CDC42BPB: variants seen among roughly 807,000 people sequenced by gnomAD.
The protein encoded by CDC42BPB is serine/threonine-protein kinase MRCK beta.
CDC42BPB carries 37 observed loss-of-function variants against 214.9 expected under a neutral mutation model. The ratio of observed to expected loss-of-function variants is 0.17; its 90% confidence interval spans 0.13 to 0.23. CDC42BPB has a LOEUF of 0.23. CDC42BPB is among the 10% of genes least tolerant of loss of function. The pLI is 1.00. For synonymous variants in CDC42BPB, 931 were observed against 884.0 expected (o/e 1.05, Z -0.94); for missense variants, 1,694 against 2,227.0 (o/e 0.76, Z 4.82).
chr14:102,961,308 GAC>G (rs1016319918), intron 20 of CDC42BPB, among the ~76,000 whole-genome samples: 18 of 151,676 alleles, frequency 1.2e-4, no homozygotes, highest in African/African-American at 4.1e-4. Flanking sequence ...CTGAAAACTT[GAC>G]ACACAAAAAA....
rs1039563542 is a variant in CDC42BPB, at chr14:102,966,671, A to C, written c.2472-284T>G. 17 of 264,060 alleles carry C rather than the reference A, an allele frequency of 6.4e-5. 1 individual carries two copies. The Admixed American group carries it at 9.7e-4, about 15-fold the overall frequency. The allele number at this position is 264,060 out of a possible 1,614,324, so 16.4% of individuals were successfully genotyped here. On this transcript the variant is annotated intron_variant, in intron 17 of 36. Transcript: ENST00000361246. ...CCTACTACGCACCCACAAAAATTAA[A>C]AATAAAAACTCTTTTTTTAATTACA...
intron 1 of CDC42BPB, among the ~76,000 whole-genome samples, chr14:103,047,583 A>G (rs1223081846): frequency 6.6e-6 from 1 of 152,174 alleles, no homozygotes; most frequent in African/African-American, 2.4e-5. Flanking sequence ...GTACGCAGGC[A>G]AAGTGCCATT....
chr14:103,021,806 C>T (rs1237828945), intron 1 of CDC42BPB, among the ~76,000 whole-genome samples: 1 of 152,030 alleles, frequency 6.6e-6, no homozygotes, highest in Non-Finnish European at 1.5e-5. Flanking sequence ...AGGCGGGGAT[C>T]ATGTGGTGCA....
chr14:103,016,315 GC>G (rs752752191), intron 1 of CDC42BPB, among the ~76,000 whole-genome samples: 54 of 152,378 alleles, frequency 3.5e-4, no homozygotes, highest in Admixed American at 7.8e-4. Flanking sequence ...CTAGGAGGGA[GC>G]GGGCAGGAAG....
chr14:103,052,043 T>C (rs926511952), intron 1 of CDC42BPB, among the ~76,000 whole-genome samples: 1 of 152,180 alleles, frequency 6.6e-6, no homozygotes, highest in Non-Finnish European at 1.5e-5. Flanking sequence ...GTTTTCACCT[T>C]GTTGGCCAGG....
At chr14:102,986,359 C>A (rs1894248118) in intron 6 of CDC42BPB, 128 bp downstream of exon 6, 2 of 609,998 alleles carry the variant, frequency 3.3e-6, no homozygotes, top group Non-Finnish European at 5.7e-6. Flanking sequence ...TTTCAACTAT[C>A]TCCAAAATGG....
rs376666345 is a variant in CDC42BPB, at chr14:103,047,709, G to A, written c.175+9290C>T. ...CCCTGAGCTCAGGAGTTCGAGACCA[G>A]TCTGGGCAACATGGTGAAACCCTGT... is the stretch of plus-strand genomic sequence containing the variant. On this transcript the variant is annotated intron_variant, in intron 1 of 36. Coordinates refer to ENST00000361246, the MANE Select transcript of CDC42BPB (RefSeq NM_006035.4). Among the ~76,000 whole-genome samples the A allele has an allele frequency of 1.8e-4, 28 of 152,232 alleles. No individual in the cohort carries two copies. The South Asian group carries it at 5.4e-3, about 29-fold the overall frequency.
At chr14:102,990,964 G>A (rs1027286572) in intron 5 of CDC42BPB, among the ~76,000 whole-genome samples, 1 of 152,208 alleles carries the variant, frequency 6.6e-6, no homozygotes, top group Non-Finnish European at 1.5e-5. Context: ...GCCGGATGAC[G>A]ACTGGTCAGC....
intron 9 of CDC42BPB, 31 bp from the exon 10 acceptor site, chr14:102,976,080 C>T (rs778047106): frequency 1.5e-5 from 24 of 1,602,168 alleles, no homozygotes; most frequent in Non-Finnish European, 2.0e-5. Context: ...TTTTTTTGAT[C>T]TACTGAAAAT....
intron 23 of CDC42BPB, among the ~76,000 whole-genome samples, chr14:102,952,957 C>G (rs570703293): frequency 3.6e-4 from 55 of 152,350 alleles, no homozygotes; most frequent in African/African-American, 1.1e-3. Flanking sequence ...GGGGGCCGAC[C>G]TGGGGCCACA....
At chr14:103,053,530 G>GT (rs1274622471) in intron 1 of CDC42BPB, among the ~76,000 whole-genome samples, 9 of 151,062 alleles carry the variant, frequency 6.0e-5, no homozygotes, top group Admixed American at 2.0e-4. Flanking sequence ...GGGAGGCCAA[G>GT]GGGGGCAGAT....
At chr14:103,056,149 T>C (rs971336788) in intron 1 of CDC42BPB, among the ~76,000 whole-genome samples, 1 of 152,072 alleles carries the variant, frequency 6.6e-6, no homozygotes, top group African/African-American at 2.4e-5. Context: ...TGACCAATGA[T>C]TAAAACATTA....
Position 102,943,787 on chromosome 14 carries a change from C to T in CDC42BPB, c.4408+104G>A. On this transcript the variant is annotated intron_variant, in intron 30 of 36. Coordinates refer to ENST00000361246, the MANE Select transcript of CDC42BPB (RefSeq NM_006035.4). The surrounding 1 kb of genome is among the most constrained non-coding windows in gnomAD (Gnocchi z 4.6). ...CACCTCTCCCGATGCTCTGTGACTA[C>T]TCAACTAAGGGACTGGAAGACAAAC... The T allele has an allele frequency of 9.7e-7, 1 of 1,030,266 alleles. No homozygotes were observed. The highest frequency in any genetic ancestry group is 1.6e-5 in the African/African-American group (1 of 62,742). 63.8% of individuals were successfully genotyped at this position (1,030,266 alleles called of 1,614,324 possible).
chr14:103,023,202 CCATCACCCAGGCTGGA>C, intron 1 of CDC42BPB, among the ~76,000 whole-genome samples: 1 of 146,970 alleles, frequency 6.8e-6, no homozygotes, highest in Non-Finnish European at 1.5e-5. Flanking sequence ...GAGTCTCACT[CCATCACCCAGGCTGGA>C]GTGCACTGGC....
chr14:102,937,642 G>A (rs1891699328), intron 36 of CDC42BPB, among the ~76,000 whole-genome samples: 2 of 152,252 alleles, frequency 1.3e-5, no homozygotes, highest in South Asian at 4.1e-4. Context: ...CCAGAGCAGT[G>A]TGGCTGAGCT....
rs139980355 is a variant in CDC42BPB at position 103,031,167 on chromosome 14, A to G, written c.176-18979T>C. ...GAAGGAAATGAAATAAAAAAAGTAC[A>G]TGACCCAGACACCAAGCAGAGAAAG... On this transcript the variant is annotated intron_variant, in intron 1 of 36. Transcript: ENST00000361246. 1.2e-4 allele frequency among the ~76,000 whole-genome samples: 19 copies of G among 152,138 alleles called. No individual in the cohort carries two copies. In the East Asian group the frequency reaches 3.3e-3, roughly 26 times the overall value.
intron 8 of CDC42BPB, among the ~76,000 whole-genome samples, chr14:102,979,829 C>T (rs1435380494): frequency 2.6e-5 from 4 of 152,174 alleles, no homozygotes; most frequent in African/African-American, 9.7e-5. Context: ...ACCAAAGGTA[C>T]TGGCTAGTGT....
At chr14:102,951,705 T>TAA (rs1231335846) in intron 24 of CDC42BPB, among the ~76,000 whole-genome samples, 2 of 151,902 alleles carry the variant, frequency 1.3e-5, no homozygotes, top group Non-Finnish European at 1.5e-5. Context: ...GAGAATCACT[T>TAA]GAATCTGGGA....
Position 103,057,475 on chromosome 14 carries a change from T to G in CDC42BPB, c.-302A>C. 1 of 222,834 alleles carries G rather than the reference T, an allele frequency of 4.5e-6. No homozygotes were observed. The highest frequency in any genetic ancestry group is 1.4e-4 in the South Asian group (1 of 6,998). The allele number at this position is 222,834 out of a possible 1,614,324, so 13.8% of individuals were successfully genotyped here. A position where few individuals can be genotyped will look rare whatever the true frequency, so the allele number is the denominator to read the frequency against. On this transcript the variant is annotated 5_prime_UTR_variant, in exon 1 of 37. Transcript: ENST00000361246. ...CTCAGCCCCGCCCGCGGCCGCGCCC[T>G]CCCCGCCGCCGCCGCCGCAGACTAG...
Sources: allele counts gnomAD v4.1 joint callset (sites outside exome capture counted in the v4.1 genomes callset), GRCh38; gene constraint gnomAD v4.1.1; non-coding constraint Gnocchi (gnomAD v3.1); transcripts MANE v1.5; gene names NCBI Gene and HGNC (gene_info 2026-07-23, HGNC 2026-07-21).